Variants in STAC observed in about 807,000 individuals in gnomAD.
The protein encoded by STAC is SH3 and cysteine rich domain, also known as SH3 and cysteine-rich domain-containing protein.
A neutral mutation model predicts 48.8 loss-of-function variants in STAC; 43 were observed. The ratio of observed to expected loss-of-function variants is 0.88; its 90% CI spans 0.69 to 1.14. The LOEUF (loss-of-function observed/expected upper bound fraction) is 1.14, where lower values mean the gene tolerates loss of function less well. STAC is among the 50% of genes most tolerant of loss of function. STAC has a pLI of 0.00. For synonymous variants in STAC, 193 were observed against 179.5 expected (o/e 1.07, Z -0.60); for missense variants, 497 against 504.0 (o/e 0.99, Z 0.13).
chr3:36,493,098 T>G, intron 5 of STAC, 53 bp from the exon 6 acceptor site: 2 of 1,555,162 alleles, frequency 1.3e-6, no homozygotes, highest in South Asian at 2.3e-5. Context: ...ATCTGCTCAA[T>G]TGACCACAGA....
chr3:36,416,766 T>C (rs1374515648), intron 1 of STAC, among the ~76,000 whole-genome samples: 1 of 152,224 alleles, frequency 6.6e-6, no homozygotes, highest in Non-Finnish European at 1.5e-5. Context: ...GAGGGCTATA[T>C]TCCCCTGGGA....
At chr3:36,439,204 AC>A (rs1696248214) in intron 1 of STAC, among the ~76,000 whole-genome samples, 1 of 152,010 alleles carries the variant, frequency 6.6e-6, no homozygotes, top group African/African-American at 2.4e-5. Context: ...TTGCTTAACC[AC>A]CCTCAGCTTC....
intron 7 of STAC, 137 bp downstream of exon 7, chr3:36,504,594 C>T (rs976114696): frequency 1.3e-5 from 9 of 676,660 alleles, no homozygotes; most frequent in East Asian, 8.2e-5. Context: ...TATAGCACAA[C>T]GTACCATAGC....
intron 2 of STAC, among the ~76,000 whole-genome samples, chr3:36,450,933 C>G (rs1696658797): frequency 6.6e-6 from 1 of 152,138 alleles, no homozygotes; most frequent in Admixed American, 6.6e-5. Flanking sequence ...TCTACATTTA[C>G]ACTCAGCCTT....
chr3:36,538,500 ACT>A (rs1699250459), intron 10 of STAC, among the ~76,000 whole-genome samples: 1 of 152,288 alleles, frequency 6.6e-6, no homozygotes, highest in Non-Finnish European at 1.5e-5. Context: ...TTTGTCTCTA[ACT>A]CTGATTATTT....
chr3:36,429,430 C>A (rs890302787), intron 1 of STAC, among the ~76,000 whole-genome samples: 3 of 152,202 alleles, frequency 2.0e-5, no homozygotes, highest in Admixed American at 6.5e-5. Context: ...CTGCACCCAT[C>A]TAGGCCTTGT....
At chr3:36,537,614 T>C (rs1273914345) in intron 10 of STAC, among the ~76,000 whole-genome samples, 1 of 152,070 alleles carries the variant, frequency 6.6e-6, no homozygotes, top group Non-Finnish European at 1.5e-5. Context: ...GCTTAATACC[T>C]AGGTGATGGG....
rs1217994053 is a variant in STAC, at chr3:36,398,295, AAAAGAAAGAAAG to A, written c.111+17554_111+17565del. Among the ~76,000 whole-genome samples, 4 of 117,000 alleles carry A rather than the reference AAAAGAAAGAAAG, an allele frequency of 3.4e-5. No individual in the cohort carries two copies. The Admixed American group carries it at 3.9e-4, about 11-fold the overall frequency. 76.8% of individuals were successfully genotyped at this position (117,000 alleles called of 152,430 possible). A position where few individuals can be genotyped will look rare whatever the true frequency, so the allele number is the denominator to read the frequency against. The stretch of plus-strand genomic sequence containing the variant: ...ACTGCCATCTATGAAGGTATGTTAA[AAAAGAAAGAAAG>A]AAAGAAAGAAAGCAAGAAAGAAAGA... On this transcript the variant is annotated intron_variant, in intron 1 of 10. Coordinates refer to ENST00000273183, the MANE Select transcript of STAC (RefSeq NM_003149.3).
At chr3:36,454,401 C>T (rs1188112352) in intron 2 of STAC, among the ~76,000 whole-genome samples, 1 of 152,038 alleles carries the variant, frequency 6.6e-6, no homozygotes, top group East Asian at 1.9e-4. Flanking sequence ...GACCACGAAC[C>T]CACCAGAAGG....
chr3:36,461,918 A>G (rs1298480464), intron 2 of STAC, among the ~76,000 whole-genome samples: 2 of 152,174 alleles, frequency 1.3e-5, no homozygotes, highest in East Asian at 3.9e-4. Flanking sequence ...CTGTAGGGTA[A>G]TTAACAGGAC....
At chr3:36,470,412 C>T (rs546619428) in intron 2 of STAC, among the ~76,000 whole-genome samples, 56 of 152,350 alleles carry the variant, frequency 3.7e-4, no homozygotes, top group African/African-American at 1.3e-3. Context: ...AGTCCTGTGA[C>T]GTGATCCATC....
chr3:36,437,602 G>C (rs1215084276), intron 1 of STAC, among the ~76,000 whole-genome samples: 17 of 123,982 alleles, frequency 1.4e-4, no homozygotes, highest in African/African-American at 5.3e-4. Flanking sequence ...ACAGGAAGGG[G>C]AACATCACAC....
At chr3:36,422,581 A>G (rs1421387206) in intron 1 of STAC, among the ~76,000 whole-genome samples, 1 of 152,160 alleles carries the variant, frequency 6.6e-6, no homozygotes, top group Admixed American at 6.5e-5. Context: ...TATGTAAAAC[A>G]TTTACGTATA....
chr3:36,503,840 C>G (rs1698335581), intron 6 of STAC, among the ~76,000 whole-genome samples: 1 of 151,998 alleles, frequency 6.6e-6, no homozygotes, highest in African/African-American at 2.4e-5. Context: ...AAAAGAAAAA[C>G]CAAATAGTAG....
chr3:36,497,573 G>C (rs1173758118), intron 6 of STAC, among the ~76,000 whole-genome samples: 3 of 152,226 alleles, frequency 2.0e-5, no homozygotes, highest in East Asian at 3.9e-4. Context: ...TATTAGGTTG[G>C]ATGAAAGACC....
chr3:36,494,800 C>T (rs1267568671), intron 6 of STAC, among the ~76,000 whole-genome samples: 1 of 152,256 alleles, frequency 6.6e-6, no homozygotes, highest in South Asian at 2.1e-4. Flanking sequence ...GTATTGGCTT[C>T]GAGGGGAACT....
intron 3 of STAC, among the ~76,000 whole-genome samples, chr3:36,484,246 C>T (rs1456075): frequency 0.13 from 20,298 of 152,164 alleles, 1,452 homozygotes; most frequent in Non-Finnish European, 0.16. Flanking sequence ...GACAGTGTAA[C>T]GACAAGGGAC....
rs529976251 is a variant in STAC at position 36,489,711 on chromosome 3, C to T, written c.688-3440C>T. On this transcript the variant is annotated intron_variant, in intron 5 of 10. Transcript: ENST00000273183. Reference sequence around the variant, plus strand: ...CAAATGCTGGGGCATATCAGAATCCCCTGGAGAATTCTGTAACACTATAAA... The same window carrying T: ...CAAATGCTGGGGCATATCAGAATCCTCTGGAGAATTCTGTAACACTATAAA... Among the ~76,000 whole-genome samples, 11 of 152,252 alleles carry T rather than the reference C, an allele frequency of 7.2e-5. No homozygotes were observed. The South Asian group carries it at 2.3e-3, about 32-fold the overall frequency.
chr3:36,431,042 G>T (rs149192788), intron 1 of STAC, among the ~76,000 whole-genome samples: 29 of 152,316 alleles, frequency 1.9e-4, no homozygotes, highest in African/African-American at 6.5e-4. Flanking sequence ...ATTATGAGAA[G>T]CAGTACTTGA....
Sources: allele counts gnomAD v4.1 joint callset (sites outside exome capture counted in the v4.1 genomes callset), GRCh38; gene constraint gnomAD v4.1.1; transcripts MANE v1.5; gene names NCBI Gene and HGNC (gene_info 2026-07-23, HGNC 2026-07-21).